NCOR1: variants seen among roughly 807,000 people sequenced by gnomAD.
NCOR1 encodes the protein nuclear receptor corepressor 1.
A neutral mutation model predicts 288.1 loss-of-function variants in NCOR1; 63 were observed. That is an observed-to-expected ratio of 0.22 (90% CI 0.18 to 0.27). The LOEUF (loss-of-function observed/expected upper bound fraction) is 0.27. NCOR1 is among the 10% of genes least tolerant of loss of function. The pLI is 1.00. For missense variants in NCOR1, 2,397 were observed against 3,019.2 expected (o/e 0.79, Z 4.83); for synonymous variants, 1,007 against 1,065.9 (o/e 0.94, Z 1.08).
At chr17:16,173,176 C>T (rs541034727) in intron 3 of NCOR1, among the ~76,000 whole-genome samples, 2 of 152,242 alleles carry the variant, frequency 1.3e-5, no homozygotes, top group Non-Finnish European at 2.9e-5. Flanking sequence ...CTGCCTCAGC[C>T]TCCCAAAGTG....
chr17:16,161,291 TTTTG>T (rs1232325198), intron 5 of NCOR1, among the ~76,000 whole-genome samples: 1 of 151,228 alleles, frequency 6.6e-6, no homozygotes, highest in Non-Finnish European at 1.5e-5. Context: ...CTGTTTTTGT[TTTTG>T]TTTTTGTTTT....
At position 16,034,860 on chromosome 17, in the gene NCOR1, G is replaced by C. The variant is rs779636265; in HGVS notation, c.7040C>G (p.Thr2347Arg). The change falls in exon 45 of 46, where the codon ACG (threonine) becomes AGG (arginine). Residue 2347 changes from threonine to arginine, a missense_variant. Around this residue, in one of 11 missense-constraint regions of NCOR1, gnomAD observed 1,872 missense variants for 2,187.8 expected, o/e 0.86. Coordinates refer to ENST00000268712, the MANE Select transcript of NCOR1 (RefSeq NM_006311.4). ...SPIPGQGYLG[T>R]ERPSSVSSVH... ...AGAGGAGACTGAAGAGGGCCGTTCC[G>C]TTCCTAAGTAGCCTTGCCCAGGTAT... 1 of 1,613,996 alleles carries C rather than the reference G, an allele frequency of 6.2e-7. No individual in the cohort carries two copies. Among genetic ancestry groups the C allele is most frequent in the Non-Finnish European group, 8.5e-7 (1 of 1,179,968 alleles).
intron 20 of NCOR1, among the ~76,000 whole-genome samples, chr17:16,099,980 G>A (rs117525311): frequency 0.041 from 6,254 of 152,068 alleles, 209 homozygotes; most frequent in South Asian, 0.12. Flanking sequence ...TATTGGATAT[G>A]AACTGAAAAT....
chr17:16,178,498 CAAAAAAAAAAAAA>C (rs564320622), intron 3 of NCOR1, among the ~76,000 whole-genome samples: 2 of 32,788 alleles, frequency 6.1e-5, no homozygotes, highest in African/African-American at 2.1e-4. Flanking sequence ...GACTCCGTCT[CAAAAAAAAAAAAA>C]AAAAAAAAAA....
chr17:16,080,723 G>A lies in NCOR1; in HGVS notation c.3182C>T (p.Thr1061Ile), dbSNP rs2152818210. 1.9e-6 allele frequency: 3 copies of A among 1,607,044 alleles called. No individual in the cohort carries two copies. Among genetic ancestry groups the A allele is most frequent in the South Asian group, 1.1e-5 (1 of 89,812 alleles). Reference sequence around the variant, plus strand: ...ATGAGAAGTCAAATAAGTGCCTGGTGTTCCCTAAGAAAAAAACAAAAAAAA... The same window carrying A: ...ATGAGAAGTCAAATAAGTGCCTGGTATTCCCTAAGAAAAAAACAAAAAAAA... ...FIMGGSISQG[T>I]PGTYLTSHNQ... The change falls in exon 24 of 46, where the codon ACA becomes ATA. Residue 1061 changes from threonine to isoleucine, a missense_variant. Physicochemically the swap from Thr to Ile is moderately conservative, Grantham distance 89. Transcript: ENST00000268712.
intron 2 of NCOR1, among the ~76,000 whole-genome samples, chr17:16,187,989 AGAG>A (rs1484017418): frequency 6.6e-6 from 1 of 152,070 alleles, no homozygotes; most frequent in Non-Finnish European, 1.5e-5. Context: ...GATGGGGAGA[AGAG>A]GAGAATTGAA....
chr17:16,081,256 G>A (rs1282546211), intron 23 of NCOR1, among the ~76,000 whole-genome samples: 2 of 136,738 alleles, frequency 1.5e-5, no homozygotes, highest in East Asian at 2.0e-4. Context: ...CACCCAGGCT[G>A]GAGTGCAGTG....
intron 1 of NCOR1, among the ~76,000 whole-genome samples, chr17:16,201,420 A>G (rs2090790704): frequency 6.6e-6 from 1 of 151,864 alleles, no homozygotes; most frequent in Non-Finnish European, 1.5e-5. Flanking sequence ...CCAAAAAAAC[A>G]AAACCCCGTC....
intron 22 of NCOR1, among the ~76,000 whole-genome samples, chr17:16,090,536 T>C (rs2065010386): frequency 6.6e-6 from 1 of 152,186 alleles, no homozygotes; most frequent in Admixed American, 6.5e-5. Context: ...TGAGTACATG[T>C]TGTGTCAATT....
chr17:16,183,925 A>C (rs1460599589), intron 3 of NCOR1, among the ~76,000 whole-genome samples: 2 of 152,202 alleles, frequency 1.3e-5, no homozygotes, highest in Non-Finnish European at 2.9e-5. Context: ...GCCCAGAAAT[A>C]AATCTAAACA....
intron 42 of NCOR1, among the ~76,000 whole-genome samples, chr17:16,044,046 G>C (rs2058210296): frequency 1.3e-5 from 2 of 151,662 alleles, no homozygotes; most frequent in Admixed American, 1.3e-4. Context: ...GCTGGTGCCT[G>C]TAATCCCAGC....
intron 40 of NCOR1, among the ~76,000 whole-genome samples, chr17:16,052,726 A>T (rs2152505537): frequency 6.6e-6 from 1 of 152,116 alleles, no homozygotes; most frequent in East Asian, 1.9e-4. Flanking sequence ...TTAAGGAAGG[A>T]CTCCTCCCTA....
rs2085355483 is a variant in NCOR1 at position 16,181,205 on chromosome 17, ATATGTATGTG to A, written c.242+5339_242+5348del. On this transcript the variant is annotated intron_variant, in intron 3 of 45. Coordinates refer to ENST00000268712, the MANE Select transcript of NCOR1 (RefSeq NM_006311.4). Reference sequence around the variant, plus strand: ...ATGTGATGTGTGTGTGTATACATATATATGTATGTGTGTGTGTGTGTGTGTGTGTGTGTGT... The same window carrying A: ...ATGTGATGTGTGTGTGTATACATATATGTGTGTGTGTGTGTGTGTGTGTGT... Among the ~76,000 whole-genome samples the A allele has an allele frequency of 3.0e-5, 3 of 98,994 alleles. No homozygotes were observed. The East Asian group carries it at 1.4e-3, about 45-fold the overall frequency. The allele number at this position is 98,994 out of a possible 152,430, so 64.9% of individuals were successfully genotyped here.
intron 27 of NCOR1, 54 bp downstream of exon 27, chr17:16,075,480 A>G: frequency 6.4e-7 from 1 of 1,569,140 alleles, no homozygotes; most frequent in Non-Finnish European, 8.7e-7. Flanking sequence ...ACCCAAGCCT[A>G]TGTTTTTAGC....
intron 40 of NCOR1, among the ~76,000 whole-genome samples, chr17:16,055,966 A>C (rs1684937238): frequency 6.6e-6 from 1 of 152,214 alleles, no homozygotes; most frequent in Non-Finnish European, 1.5e-5. Flanking sequence ...AAATGAAACA[A>C]AACTCGTCAT....
rs34862194 is a variant in NCOR1 at position 16,105,720 on chromosome 17, AAAACAAAC to A, written c.2182+3058_2182+3065del. 6.0e-3 allele frequency among the ~76,000 whole-genome samples: 900 copies of A among 151,090 alleles called. 8 individuals carry two copies. Among genetic ancestry groups the A allele is most frequent in the African/African-American group, 0.02 (805 of 41,136 alleles). ...TTCACATGAGAGTTCAAGTCTCCAA[AAAACAAAC>A]AAACAAACAAACAAACAAACAAAGA... On this transcript the variant is annotated intron_variant, in intron 19 of 45. Coordinates refer to ENST00000268712, the MANE Select transcript of NCOR1 (RefSeq NM_006311.4).
intron 42 of NCOR1, among the ~76,000 whole-genome samples, chr17:16,046,392 C>T (rs1268670400): frequency 6.6e-6 from 1 of 152,236 alleles, no homozygotes; most frequent in Non-Finnish European, 1.5e-5. Context: ...TCTTAGGCTA[C>T]TTTAAAAATG....
intron 3 of NCOR1, among the ~76,000 whole-genome samples, chr17:16,177,118 G>A (rs2084355084): frequency 6.6e-6 from 1 of 151,866 alleles, no homozygotes; most frequent in Non-Finnish European, 1.5e-5. Context: ...TTTGTTCTAA[G>A]ACAAGGTTTA....
At chr17:16,066,797 T>C (rs1351626457) in intron 32 of NCOR1, among the ~76,000 whole-genome samples, 1 of 152,220 alleles carries the variant, frequency 6.6e-6, no homozygotes, top group Admixed American at 6.5e-5. Flanking sequence ...CCACAGTTAC[T>C]TTCCTATTAT....
Sources: allele counts gnomAD v4.1 joint callset (sites outside exome capture counted in the v4.1 genomes callset), GRCh38; gene constraint gnomAD v4.1.1; regional missense constraint gnomAD v4.1.1; transcripts MANE v1.5; gene names NCBI Gene and HGNC (gene_info 2026-07-23, HGNC 2026-07-21).